Variants in GALNT2 observed in about 807,000 individuals in gnomAD.
The protein encoded by GALNT2 is UDP-GalNAc:polypeptide N-acetylgalactosaminyltransferase 2.
Under a neutral mutation model 81.4 loss-of-function variants are expected in GALNT2, and 31 were observed. The ratio of observed to expected loss-of-function variants is 0.38; its 90% CI spans 0.29 to 0.51. GALNT2 has a LOEUF of 0.51. GALNT2 is among the 20% of genes least tolerant of loss of function. GALNT2 has a pLI of 0.87. For synonymous variants in GALNT2, 303 were observed against 287.4 expected (o/e 1.05, Z -0.55); for missense variants, 629 against 765.7 (o/e 0.82, Z 2.11).
chr1:230,174,960 C>T (rs964385584), intron 1 of GALNT2, among the ~76,000 whole-genome samples: 3 of 152,196 alleles, frequency 2.0e-5, no homozygotes, highest in African/African-American at 2.4e-5. Flanking sequence ...CCCTGTTCTA[C>T]GCGGGGCCTG....
At position 230,250,524 on chromosome 1, in the gene GALNT2, G is replaced by T. The variant is rs764955190; in HGVS notation, c.973G>T (p.Asp325Tyr). ...KFYFEELGKY[D>Y]MMMDVWGGEN... ...CTATTTTGAAGAACTGGGGAAGTAC[G>T]ACATGATGATGGATGTGTGGGGAGG... Residue 325 changes from aspartate (D) to tyrosine (Y), a missense_variant, in exon 10 of 16, where the codon GAC (aspartate) becomes TAC (tyrosine). Physicochemically the swap from Asp to Tyr is radical, Grantham distance 160. Coordinates refer to ENST00000366672, the MANE Select transcript of GALNT2 (RefSeq NM_004481.5). The T allele has an allele frequency of 1.2e-6, 2 of 1,613,630 alleles. No individual in the cohort carries two copies. Among genetic ancestry groups the T allele is most frequent in the Non-Finnish European group, 1.7e-6 (2 of 1,179,790 alleles).
intron 6 of GALNT2, among the ~76,000 whole-genome samples, chr1:230,237,879 G>A (rs1572122082): frequency 6.6e-6 from 1 of 151,418 alleles, no homozygotes; most frequent in East Asian, 1.9e-4. Flanking sequence ...AAGGAGGAAA[G>A]AGAGATAGTG....
At chr1:230,156,223 G>A (rs1167275014) in intron 1 of GALNT2, among the ~76,000 whole-genome samples, 2 of 143,792 alleles carry the variant, frequency 1.4e-5, no homozygotes, top group Non-Finnish European at 3.1e-5. Flanking sequence ...GAGAGAGAGA[G>A]AGAGAGAGAA....
At chr1:230,098,462 A>G (rs1367400383) in intron 1 of GALNT2, among the ~76,000 whole-genome samples, 1 of 151,878 alleles carries the variant, frequency 6.6e-6, no homozygotes, top group Non-Finnish European at 1.5e-5. Context: ...AGTCCGAGGA[A>G]GCTGAGAGGC....
rs1256658016 is a variant in GALNT2, at chr1:230,275,097, GTATACACACCACATATATATACATATA to G, written c.1560+551_1560+577del. 6.9e-6 allele frequency among the ~76,000 whole-genome samples: 1 copy of G among 144,230 alleles called. No homozygotes were observed. Among genetic ancestry groups the G allele is most frequent in the African/African-American group, 2.6e-5 (1 of 38,296 alleles). The allele number at this position is 144,230 out of a possible 152,430, so 94.6% of individuals were successfully genotyped here. A position where few individuals can be genotyped will look rare whatever the true frequency, so the allele number is the denominator to read the frequency against. On this transcript the variant is annotated intron_variant, in intron 15 of 15. Transcript: ENST00000366672. This position sits in a 1 kb window ranked among gnomAD's most constrained non-coding sequence, Gnocchi z 5.5. ...ATATACACACCACATATATATACATGTATACACACCACATATATATACATATATATACACACCACATATACATATATA... is the reference window on the plus strand; with the variant it reads ...ATATACACACCACATATATATACATGTATACACACCACATATACATATATA...
chr1:230,063,442 G>C (rs1291283951), upstream of GALNT2, among the ~76,000 whole-genome samples: 1 of 151,920 alleles, frequency 6.6e-6, no homozygotes, highest in African/African-American at 2.4e-5. Context: ...TTGTCCTCAT[G>C]AATTCTAGTT....
chr1:230,103,780 G>A (rs150495818), intron 1 of GALNT2, among the ~76,000 whole-genome samples: 1 of 151,876 alleles, frequency 6.6e-6, no homozygotes, highest in East Asian at 1.9e-4. Context: ...AGCTAACCCT[G>A]ATTTTGGCCT....
chr1:230,147,962 C>T (rs1661973865), intron 1 of GALNT2, among the ~76,000 whole-genome samples: 1 of 152,220 alleles, frequency 6.6e-6, no homozygotes, highest in African/African-American at 2.4e-5. Context: ...CGCTCTGTCC[C>T]CAGACACTGT....
At chr1:230,134,432 C>T (rs563891677) in intron 1 of GALNT2, among the ~76,000 whole-genome samples, 1 of 152,268 alleles carries the variant, frequency 6.6e-6, no homozygotes, top group African/African-American at 2.4e-5. Flanking sequence ...AGAAGTGCAG[C>T]TCTAAGTTGG....
At chr1:230,270,495 A>C (rs544902246) in intron 14 of GALNT2, among the ~76,000 whole-genome samples, 3 of 152,354 alleles carry the variant, frequency 2.0e-5, no homozygotes, top group African/African-American at 7.2e-5. Context: ...TGTGAATTAC[A>C]AGTTTAATTT....
At chr1:230,081,643 G>C (rs1659733765) in intron 1 of GALNT2, among the ~76,000 whole-genome samples, 1 of 152,190 alleles carries the variant, frequency 6.6e-6, no homozygotes, top group Non-Finnish European at 1.5e-5. Flanking sequence ...TGAGGGCTGA[G>C]GACTAGTTCT....
In GALNT2 at chr1:230,278,950, T is replaced by C. The variant is rs150443553; in HGVS notation, c.1561-353T>C. Among the ~76,000 whole-genome samples the C allele has an allele frequency of 8.3e-3, 1,258 of 152,284 alleles. 9 individuals are homozygous for C. Among genetic ancestry groups the C allele is most frequent in the Non-Finnish European group, 9.7e-3 (663 of 68,010 alleles). On this transcript the variant is annotated intron_variant, in intron 15 of 15. Transcript: ENST00000366672. ...GGTGAACCATCACTGGATCAAGCTT[T>C]CATACGAAGGCATGCAAATTCCCCT... is the stretch of plus-strand genomic sequence containing the variant.
rs200837962 is a variant in GALNT2, at chr1:230,274,569, G to A, written c.1560+5G>A. 247 of 1,613,556 alleles carry A rather than the reference G, an allele frequency of 1.5e-4. No homozygotes were observed. The East Asian group carries it at 4.6e-3, about 30-fold the overall frequency. The stretch of plus-strand genomic sequence containing the variant: ...CGAGAAAATGACAGCAGACAGGTAC[G>A]GCTTGCAGGCACCCGTGGGTGCCCG... On this transcript the variant is annotated splice_donor_5th_base_variant and intron_variant, in intron 15 of 15. Coordinates refer to ENST00000366672, the MANE Select transcript of GALNT2 (RefSeq NM_004481.5).
At chr1:230,105,915 C>T (rs1660530638) in intron 1 of GALNT2, among the ~76,000 whole-genome samples, 1 of 152,180 alleles carries the variant, frequency 6.6e-6, no homozygotes, top group Non-Finnish European at 1.5e-5. Context: ...TCAGCATGCA[C>T]ACTTTCATCT....
chr1:230,146,824 G>C (rs969816222), intron 1 of GALNT2, among the ~76,000 whole-genome samples: 1 of 152,166 alleles, frequency 6.6e-6, no homozygotes, highest in African/African-American at 2.4e-5. Context: ...ACGTGTTGGC[G>C]GGGAGGCGTT....
chr1:230,107,457 G>C (rs1178328067), intron 1 of GALNT2, among the ~76,000 whole-genome samples: 1 of 152,140 alleles, frequency 6.6e-6, no homozygotes, highest in Non-Finnish European at 1.5e-5. Context: ...GCACACACCT[G>C]TAGTCCCACC....
intron 2 of GALNT2, among the ~76,000 whole-genome samples, chr1:230,191,321 G>A (rs1320222757): frequency 2.0e-5 from 3 of 152,212 alleles, no homozygotes; most frequent in Non-Finnish European, 2.9e-5. Flanking sequence ...TTGAGGAAGC[G>A]GAAGCAGTGT....
chr1:230,173,584 C>T (rs988126592), intron 1 of GALNT2, among the ~76,000 whole-genome samples: 1 of 152,174 alleles, frequency 6.6e-6, no homozygotes, highest in Non-Finnish European at 1.5e-5. Flanking sequence ...CCAGCATAAA[C>T]CACATCATGA....
At chr1:230,203,773 G>A (rs1663978469) in intron 3 of GALNT2, among the ~76,000 whole-genome samples, 1 of 152,120 alleles carries the variant, frequency 6.6e-6, no homozygotes, top group African/African-American at 2.4e-5. Context: ...ACACAGGAGG[G>A]ACAGGTGCCA....
Sources: allele counts gnomAD v4.1 joint callset (sites outside exome capture counted in the v4.1 genomes callset), GRCh38; gene constraint gnomAD v4.1.1; non-coding constraint Gnocchi (gnomAD v3.1); transcripts MANE v1.5; gene names NCBI Gene and HGNC (gene_info 2026-07-23, HGNC 2026-07-21).